Variants in NEBL observed in about 807,000 individuals in gnomAD.
The protein encoded by NEBL is nebulette, also known as LIM and SH3 protein 2.
A neutral mutation model predicts 140.2 loss-of-function variants in NEBL; 122 were observed. The ratio of observed to expected loss-of-function variants is 0.87; its 90% confidence interval spans 0.75 to 1.01. The LOEUF (loss-of-function observed/expected upper bound fraction) is 1.01, where lower values mean the gene tolerates loss of function less well. Ranked by LOEUF, NEBL falls within the 50% of genes least tolerant of loss-of-function variation. The pLI, the probability that NEBL is intolerant of heterozygous loss-of-function variation, is 0.00. For synonymous variants in NEBL, 436 were observed against 398.9 expected (o/e 1.09, Z -1.11); for missense variants, 1,365 against 1,231.3 (o/e 1.11, Z -1.62).
intron 2 of NEBL, chr10:21,125,936 T>G: frequency 6.2e-7 from 1 of 1,614,234 alleles, no homozygotes; most frequent in Non-Finnish European, 8.5e-7. Context: ...AGAGACAGCC[T>G]TGGGGACTTG....
At chr10:21,169,535 T>C (rs185807067) in intron 2 of NEBL, among the ~76,000 whole-genome samples, 1 of 152,280 alleles carries the variant, frequency 6.6e-6, no homozygotes, top group East Asian at 1.9e-4. Context: ...CCAGTTTACA[T>C]GGCAACACGT....
At chr10:21,052,095 A>G (rs541767579) in intron 2 of NEBL, among the ~76,000 whole-genome samples, 5 of 152,348 alleles carry the variant, frequency 3.3e-5, no homozygotes, top group Admixed American at 1.3e-4. Flanking sequence ...AAGTTTAAAA[A>G]AAAAACTTTA....
At chr10:20,919,463 T>C (rs1833472324) in intron 4 of NEBL, among the ~76,000 whole-genome samples, 1 of 152,202 alleles carries the variant, frequency 6.6e-6, no homozygotes, top group Non-Finnish European at 1.5e-5. Context: ...AAAGTACTTT[T>C]AATCCATTTT....
rs147834097 is a variant in NEBL, at chr10:21,116,389, C to G, written c.164+55994G>C. On this transcript the variant is annotated intron_variant, in intron 2 of 6. Transcript: ENST00000417816. ...TAATCTGTATCTCTCTCTTCTTCTTCTTATAAAGTTATTAATCTTATCATA... is the reference window on the plus strand; with the variant it reads ...TAATCTGTATCTCTCTCTTCTTCTTGTTATAAAGTTATTAATCTTATCATA... Among the ~76,000 whole-genome samples, 6 of 152,178 alleles carry G rather than the reference C, an allele frequency of 3.9e-5. No individual in the cohort carries two copies. In the East Asian group the frequency reaches 1.2e-3, roughly 29 times the overall value.
intron 3 of NEBL, among the ~76,000 whole-genome samples, chr10:20,995,835 C>T (rs918897270): frequency 2.6e-5 from 4 of 152,048 alleles, no homozygotes; most frequent in Non-Finnish European, 2.9e-5. Context: ...GGGGAAGGCC[C>T]GCTCTGAGCT....
chr10:21,185,636 T>C (rs1037461045), intron 3 of NEBL, among the ~76,000 whole-genome samples: 1 of 151,762 alleles, frequency 6.6e-6, no homozygotes, highest in Non-Finnish European at 1.5e-5. Flanking sequence ...GTAGCTGGGA[T>C]TACAGGCATG....
intron 1 of NEBL, among the ~76,000 whole-genome samples, chr10:21,268,534 T>C (rs1433018228): frequency 6.6e-6 from 1 of 151,680 alleles, no homozygotes; most frequent in Non-Finnish European, 1.5e-5. Context: ...ATTTTTTTTT[T>C]TTTTTGGGAG....
At chr10:21,214,760 G>GA (rs1470580614) in intron 3 of NEBL, among the ~76,000 whole-genome samples, 1 of 152,216 alleles carries the variant, frequency 6.6e-6, no homozygotes, top group African/African-American at 2.4e-5. Context: ...TGTAAAAAGG[G>GA]AAAAAATGGA....
intron 2 of NEBL, chr10:21,070,131 A>G (rs1209186736): frequency 2.6e-6 from 1 of 379,470 alleles, no homozygotes; most frequent in Non-Finnish European, 5.3e-6. Flanking sequence ...GAGGCAAAAT[A>G]GCATTACTTG....
chr10:20,991,982 G>A (rs1041763566), intron 3 of NEBL, among the ~76,000 whole-genome samples: 6 of 151,834 alleles, frequency 4.0e-5, no homozygotes, highest in African/African-American at 1.5e-4. Flanking sequence ...ATTCCACGGT[G>A]TATGTGTACC....
chr10:20,843,057 G>A (rs1841543485), intron 12 of NEBL, among the ~76,000 whole-genome samples: 1 of 152,020 alleles, frequency 6.6e-6, no homozygotes, highest in Admixed American at 6.6e-5. Context: ...TGAAGCCCTA[G>A]CCCCCATTGT....
At chr10:21,020,270 T>C (rs1201130552) in intron 2 of NEBL, 3 of 1,347,754 alleles carry the variant, frequency 2.2e-6, no homozygotes, top group Non-Finnish European at 3.2e-6. Flanking sequence ...TCACACCCAT[T>C]GTTTTGCACA....
In NEBL at chr10:21,169,065, AAAATATATATATATATATATATATATAT is replaced by A. The variant is rs1370887870; in HGVS notation, c.164+3290_164+3317del. 9.5e-4 allele frequency among the ~76,000 whole-genome samples: 27 copies of A among 28,570 alleles called. 1 individual carries two copies. Among genetic ancestry groups the A allele is most frequent in the Admixed American group, 7.1e-3 (15 of 2,120 alleles). The allele number at this position is 28,570 out of a possible 152,430, so 18.7% of individuals were successfully genotyped here. A position where few individuals can be genotyped will look rare whatever the true frequency, so the allele number is the denominator to read the frequency against. ...CTCCGTCTACAAAAAAAAAAAAAAAAAAATATATATATATATATATATATATATATATATATATATATTTGGACATATA... is the reference window on the plus strand; with the variant it reads ...CTCCGTCTACAAAAAAAAAAAAAAAAATATATATATATATTTGGACATATA... On this transcript the variant is annotated intron_variant, in intron 2 of 6. Transcript: ENST00000417816.
intron 2 of NEBL, among the ~76,000 whole-genome samples, chr10:21,088,427 T>A (rs566030083): frequency 2.4e-4 from 36 of 152,176 alleles, no homozygotes; most frequent in African/African-American, 8.2e-4. Context: ...AAGGCTGTAG[T>A]GGGCTATGAT....
rs756754520 is a variant in NEBL at position 20,787,179 on chromosome 10, G to A, written c.2868+23C>T. The A allele has an allele frequency of 1.4e-5, 21 of 1,540,764 alleles. No homozygotes were observed. In the South Asian group the frequency reaches 2.3e-4, roughly 17 times the overall value. On this transcript the variant is annotated intron_variant, in intron 27 of 27. Coordinates refer to ENST00000377122, the MANE Select transcript of NEBL (RefSeq NM_006393.3). ...GGAAATGGGAAGACCAGCTAAGGAG[G>A]AACGTATCAAATGGACACTTACTAG...
chr10:20,826,835 C>T (rs1260650944), intron 17 of NEBL, among the ~76,000 whole-genome samples: 1 of 152,172 alleles, frequency 6.6e-6, no homozygotes, highest in Non-Finnish European at 1.5e-5. Context: ...GAGTTCCTTT[C>T]TTCAAATATA....
chr10:21,061,639 C>T (rs1835312365), intron 2 of NEBL, among the ~76,000 whole-genome samples: 1 of 151,542 alleles, frequency 6.6e-6, no homozygotes, highest in South Asian at 2.1e-4. Flanking sequence ...TATCTCAGCA[C>T]TGCAGATATC....
intron 3 of NEBL, among the ~76,000 whole-genome samples, chr10:21,200,839 G>T (rs1023567927): frequency 1.3e-5 from 2 of 152,098 alleles, no homozygotes; most frequent in Non-Finnish European, 2.9e-5. Context: ...AGGCACAGTG[G>T]CTCACACCTG....
chr10:21,079,398 A>C (rs1276538138), intron 2 of NEBL, among the ~76,000 whole-genome samples: 1 of 152,242 alleles, frequency 6.6e-6, no homozygotes, highest in Non-Finnish European at 1.5e-5. Flanking sequence ...TAAACCTCCC[A>C]GCACACCTGT....
Sources: allele counts gnomAD v4.1 joint callset (sites outside exome capture counted in the v4.1 genomes callset), GRCh38; gene constraint gnomAD v4.1.1; transcripts MANE v1.5; gene names NCBI Gene and HGNC (gene_info 2026-07-23, HGNC 2026-07-21).